SYNE2: variants seen among roughly 807,000 people sequenced by gnomAD.
The protein encoded by SYNE2 is nesprin-2.
SYNE2 carries 431 observed loss-of-function variants against 856.3 expected under a neutral mutation model. The observed-to-expected ratio is 0.50, with a 90% CI of 0.47 to 0.55. The LOEUF (loss-of-function observed/expected upper bound fraction) is 0.55. Among genes scored for constraint, SYNE2 ranks in the 20% least tolerant of loss-of-function variants. The pLI is 0.00. For missense variants in SYNE2, 8,129 were observed against 8,023.2 expected, an observed-to-expected ratio of 1.01 and a Z score of -0.50; for synonymous variants, 2,923 against 2,872.3, an observed-to-expected ratio of 1.02 and a Z score of -0.56.
At chr14:64,076,148 C>A in intron 54 of SYNE2, 48 bp downstream of exon 54, 1 of 1,592,268 alleles carries the variant, frequency 6.3e-7, no homozygotes, top group Non-Finnish European at 8.6e-7. Flanking sequence ...AGCTGAATGA[C>A]TATCAGGAGG....
At chr14:63,799,207 T>C (rs1475294651) in intron 1 of SYNE2, among the ~76,000 whole-genome samples, 1 of 152,096 alleles carries the variant, frequency 6.6e-6, no homozygotes, top group African/African-American at 2.4e-5. Flanking sequence ...GCCTCCCAAG[T>C]AGCTGGGATT....
chr14:64,056,930 C>T (rs2097275457), intron 49 of SYNE2, among the ~76,000 whole-genome samples: 1 of 152,014 alleles, frequency 6.6e-6, no homozygotes, highest in South Asian at 2.1e-4. Context: ...TTTGTGTGTC[C>T]TGTTTTCACA....
At chr14:63,799,048 G>A (rs1488400553) in intron 1 of SYNE2, among the ~76,000 whole-genome samples, 1 of 152,136 alleles carries the variant, frequency 6.6e-6, no homozygotes, top group East Asian at 1.9e-4. Flanking sequence ...CTGTATTTAG[G>A]AAACAAACAC....
intron 7 of SYNE2, among the ~76,000 whole-genome samples, chr14:63,952,010 C>A (rs1300815407): frequency 2.0e-5 from 3 of 152,168 alleles, no homozygotes; most frequent in Non-Finnish European, 2.9e-5. Flanking sequence ...TATTAGATAA[C>A]TTTTATTTCA....
intron 96 of SYNE2, among the ~76,000 whole-genome samples, 167 bp from the exon 97 acceptor site, chr14:64,186,257 A>C (rs1414642816): frequency 6.6e-6 from 1 of 152,212 alleles, no homozygotes; most frequent in Non-Finnish European, 1.5e-5. Flanking sequence ...GAACTGGCCA[A>C]CCACAACTGC....
At chr14:64,148,173 G>A (rs1230134223) in intron 84 of SYNE2, among the ~76,000 whole-genome samples, 1 of 151,894 alleles carries the variant, frequency 6.6e-6, no homozygotes, top group Non-Finnish European at 1.5e-5. Context: ...AAATTAGCCG[G>A]GCATGGTGGT....
Position 63,995,093 on chromosome 14 carries a change from T to C in SYNE2, c.2831T>C (p.Ile944Thr), listed in dbSNP as rs761566246. The change falls in exon 23 of 116, where the codon ATT (isoleucine) becomes ACT (threonine). Residue 944 changes from isoleucine (I) to threonine (T), a missense_variant. Physicochemically the swap from Ile to Thr is moderately conservative, Grantham distance 89. Around this residue, in one of 3 missense-constraint regions of SYNE2, gnomAD observed 2,422 missense variants for 2,357.4 expected, o/e 1.03. Transcript: ENST00000555002. The stretch of plus-strand genomic sequence containing the variant: ...TATGTTCAACAACTAAAAATAGATA[T>C]TGAAAAAGGAAAGCTTAGTGACAAT... ...SLYVQQLKID[I>T]EKGKLSDNIL... The C allele has an allele frequency of 1.1e-5, 17 of 1,578,888 alleles. No homozygotes were observed. Among genetic ancestry groups the C allele is most frequent in the African/African-American group, 9.5e-5 (7 of 73,612 alleles).
chr14:64,146,838 T>G (rs2098191460), intron 84 of SYNE2, among the ~76,000 whole-genome samples: 1 of 152,254 alleles, frequency 6.6e-6, no homozygotes, highest in Admixed American at 6.5e-5. Context: ...CGGCACACGC[T>G]GTGCTGTTTC....
rs1024177241 is a variant in SYNE2, at chr14:64,143,930, T to C, written c.15465T>C (p.His5155=). 1 of 1,614,122 alleles carries C rather than the reference T, an allele frequency of 6.2e-7. No individual in the cohort carries two copies. Among genetic ancestry groups the C allele is most frequent in the Admixed American group, 1.7e-5 (1 of 60,020 alleles). Residue 5155 remains histidine (H), a synonymous_variant, in exon 83 of 116, where the codon CAT becomes CAC. Coordinates refer to ENST00000555002, the MANE Select transcript of SYNE2 (RefSeq NM_182914.3). ...GEMNRQWHRV[H]GMLNRKIQHL... is the part of the protein sequence containing the mutation. ...TGAACCGCCAGTGGCACCGTGTACA[T>C]GGAATGCTGAATAGAAAGGTGTGTT...
intron 49 of SYNE2, among the ~76,000 whole-genome samples, chr14:64,057,883 C>G (rs1798804567): frequency 1.3e-5 from 2 of 152,228 alleles, no homozygotes; most frequent in South Asian, 4.1e-4. Flanking sequence ...ATGCTGAACA[C>G]CTCTTCATAT....
At chr14:63,884,292 T>G (rs1223808016) in intron 1 of SYNE2, among the ~76,000 whole-genome samples, 1 of 152,208 alleles carries the variant, frequency 6.6e-6, no homozygotes, top group Non-Finnish European at 1.5e-5. Context: ...GAAAGGCTTT[T>G]CTTCTGAAGA....
chr14:63,791,411 C>T (rs1887726325), intron 1 of SYNE2, among the ~76,000 whole-genome samples: 1 of 152,156 alleles, frequency 6.6e-6, no homozygotes, highest in Non-Finnish European at 1.5e-5. Flanking sequence ...ATTGACTTAG[C>T]ATGGTATATA....
chr14:64,149,197 C>T (rs967810243), intron 84 of SYNE2, among the ~76,000 whole-genome samples: 4 of 151,380 alleles, frequency 2.6e-5, no homozygotes, highest in African/African-American at 4.9e-5. Context: ...CCTAGCTACT[C>T]GGGAGCTGAG....
chr14:63,979,368 C>T (rs996700621), intron 14 of SYNE2, among the ~76,000 whole-genome samples: 2 of 152,134 alleles, frequency 1.3e-5, no homozygotes, highest in South Asian at 4.1e-4. Flanking sequence ...TAGTTTCATG[C>T]AGTAATTACA....
chr14:63,825,417 T>C (rs1489655166), intron 1 of SYNE2, among the ~76,000 whole-genome samples: 1 of 151,748 alleles, frequency 6.6e-6, no homozygotes, highest in Non-Finnish European at 1.5e-5. Context: ...ATAAGAGCAA[T>C]ACACAAAAAT....
rs936326056 is a variant in SYNE2 at position 64,103,312 on chromosome 14, C to A, written c.12492+1270C>A. 4.6e-5 allele frequency among the ~76,000 whole-genome samples: 7 copies of A among 151,406 alleles called. 1 individual carries two copies. Among genetic ancestry groups the A allele is most frequent in the Middle Eastern group, 6.4e-3 (2 of 312 alleles). On this transcript the variant is annotated intron_variant, in intron 64 of 115. Transcript: ENST00000555002. ...TTACCAAAGCATGTAAATTAACATG[C>A]CACTCTTTTGGGAGTTTTGGGTGGA...
intron 52 of SYNE2, 134 bp downstream of exon 52, chr14:64,071,044 G>T: frequency 1.2e-6 from 1 of 858,556 alleles, no homozygotes; most frequent in Non-Finnish European, 1.8e-6. Context: ...GGTATAAAAA[G>T]GGATGGAACA....
intron 45 of SYNE2, among the ~76,000 whole-genome samples, chr14:64,038,463 C>T (rs987546644): frequency 6.6e-6 from 1 of 152,258 alleles, no homozygotes; most frequent in East Asian, 1.9e-4. Context: ...AGGCTGCAAT[C>T]TTGGCACTTT....
In SYNE2 at chr14:63,991,119, G is replaced by C. The variant is rs747522324; in HGVS notation, c.2646+4G>C. On this transcript the variant is annotated splice_donor_region_variant and intron_variant, in intron 21 of 115. Coordinates refer to ENST00000555002, the MANE Select transcript of SYNE2 (RefSeq NM_182914.3). ...TGAACTCATTTCAAAACACAAGGTG[G>C]GAATCTTTTCAACCATCAAATGTAG... 2.5e-6 allele frequency: 4 copies of C among 1,613,828 alleles called. No homozygotes were observed. The South Asian group carries it at 4.4e-5, about 18-fold the overall frequency.
Sources: allele counts gnomAD v4.1 joint callset (sites outside exome capture counted in the v4.1 genomes callset), GRCh38; gene constraint gnomAD v4.1.1; regional missense constraint gnomAD v4.1.1; transcripts MANE v1.5; gene names NCBI Gene and HGNC (gene_info 2026-07-23, HGNC 2026-07-21).